Variants in PBRM1 observed in about 807,000 individuals in gnomAD.
The protein encoded by PBRM1 is protein polybromo-1.
In PBRM1, 27 loss-of-function variants were observed where a neutral mutation model predicts 194.5. The observed-to-expected ratio is 0.14, with a 90% CI of 0.10 to 0.19. PBRM1 has a LOEUF of 0.19. Among genes scored for constraint, PBRM1 ranks in the 10% least tolerant of loss-of-function variants. The probability of loss-of-function intolerance (pLI) is 1.00; values close to 1 mark genes in which losing one functional copy is unlikely to be tolerated. For missense variants in PBRM1, 1,466 were observed against 2,077.2 expected (o/e 0.71, Z 5.72); for synonymous variants, 655 against 693.2 (o/e 0.94, Z 0.87).
At chr3:52,624,105 G>A (rs2095367003) in intron 13 of PBRM1, among the ~76,000 whole-genome samples, 1 of 152,128 alleles carries the variant, frequency 6.6e-6, no homozygotes, top group African/African-American at 2.4e-5. Context: ...AAAGCTATCT[G>A]GGCAATCATG....
intron 15 of PBRM1, among the ~76,000 whole-genome samples, chr3:52,613,142 C>A (rs1292014966): frequency 1.3e-5 from 2 of 151,786 alleles, no homozygotes; most frequent in Non-Finnish European, 2.9e-5. Flanking sequence ...TTTGTTTTAT[C>A]CTCAAAGACA....
Position 52,644,767 on chromosome 3 carries a change from A to AT in PBRM1, c.835dup (p.Ile279AsnfsTer8), listed in dbSNP as rs771618422. On this transcript the variant is annotated frameshift_variant, in exon 8 of 30. Coordinates refer to ENST00000296302, the Ensembl canonical transcript of PBRM1. LOFTEE classifies it high-confidence loss of function. ...AATTTCAGCCTTTTTCATATAAAATATTTTTTTAATTGAATTTGCATCCTG... is the reference window on the plus strand; with the variant it reads ...AATTTCAGCCTTTTTCATATAAAATATTTTTTTTAATTGAATTTGCATCCTG... The AT allele has an allele frequency of 4.0e-6, 6 of 1,509,344 alleles. No individual in the cohort carries two copies. Among genetic ancestry groups the AT allele is most frequent in the Non-Finnish European group, 4.6e-6 (5 of 1,088,368 alleles). The allele number at this position is 1,509,344 out of a possible 1,614,324, so 93.5% of individuals were successfully genotyped here.
intron 6 of PBRM1, 73 bp downstream of exon 7, chr3:52,651,669 T>C (rs1255247041): frequency 1.3e-5 from 10 of 787,884 alleles, no homozygotes; most frequent in Non-Finnish European, 2.0e-5. Flanking sequence ...CTCTGTTTTC[T>C]AAAAGCTTCT....
At chr3:52,664,567 C>T (rs1354969633) in intron 3 of PBRM1, among the ~76,000 whole-genome samples, 1 of 151,704 alleles carries the variant, frequency 6.6e-6, no homozygotes, top group Non-Finnish European at 1.5e-5. Context: ...GAAACCCTGT[C>T]TCTACTAAAA....
intron 22 of PBRM1, among the ~76,000 whole-genome samples, chr3:52,565,913 G>C (rs1007906260): frequency 6.6e-6 from 1 of 152,080 alleles, no homozygotes; most frequent in Non-Finnish European, 1.5e-5. Context: ...AGCGGGGTGT[G>C]GTTGCAGGCG....
At chr3:52,676,670 G>A (rs955056238) in intron 2 of PBRM1, among the ~76,000 whole-genome samples, 1 of 152,170 alleles carries the variant, frequency 6.6e-6, no homozygotes, top group Non-Finnish European at 1.5e-5. Flanking sequence ...ATGTGGAAGC[G>A]ACTTTGGAAC....
chr3:52,672,757 G>A (rs1284842788), intron 2 of PBRM1, among the ~76,000 whole-genome samples: 1 of 152,004 alleles, frequency 6.6e-6, no homozygotes, highest in African/African-American at 2.4e-5. Context: ...GCCTCCCAAA[G>A]TGTTGGGATT....
At chr3:52,582,938 A>G (rs1450801500) in intron 20 of PBRM1, among the ~76,000 whole-genome samples, 1 of 151,094 alleles carries the variant, frequency 6.6e-6, no homozygotes, top group African/African-American at 2.4e-5. Context: ...TCTACTAAAA[A>G]TACAAAAAAT....
At chr3:52,561,893 G>C (rs1261731565) in exon 25 of PBRM1, 1 of 1,613,992 alleles carries the variant, frequency 6.2e-7, no homozygotes. Flanking sequence ...CTGCTGAACA[G>C]GATGTAGCCA....
At chr3:52,554,651 G>T in intron 27 of PBRM1, 73 bp downstream of exon 29, 1 of 1,365,204 alleles carries the variant, frequency 7.3e-7, no homozygotes, top group Admixed American at 2.8e-5. Context: ...GTGCCTCCTG[G>T]AACAACTGGT....
At chr3:52,564,273 G>A in intron 22 of PBRM1, 40 bp from the exon 25 acceptor site, 1 of 1,393,794 alleles carries the variant, frequency 7.2e-7, no homozygotes, top group South Asian at 1.2e-5. Context: ...GGAGTAAACT[G>A]TGGTCATAGT....
chr3:52,668,079 T>C (rs913463122), intron 3 of PBRM1, among the ~76,000 whole-genome samples: 1 of 152,206 alleles, frequency 6.6e-6, no homozygotes, highest in Non-Finnish European at 1.5e-5. Context: ...GCAGATTGCT[T>C]GAGCCCAGGA....
upstream of PBRM1, chr3:52,681,680 T>A: frequency 1.0e-6 from 1 of 1,003,196 alleles, no homozygotes. Flanking sequence ...AGGGTGTAGA[T>A]AATCAGTAAT....
intron 4 of PBRM1, among the ~76,000 whole-genome samples, chr3:52,659,124 A>C (rs911805247): frequency 6.6e-6 from 1 of 152,216 alleles, no homozygotes; most frequent in East Asian, 1.9e-4. Flanking sequence ...GCGATTAAGT[A>C]CATCAATGTA....
At chr3:52,674,406 G>A (rs2097033852) in intron 2 of PBRM1, among the ~76,000 whole-genome samples, 1 of 150,198 alleles carries the variant, frequency 6.7e-6, no homozygotes, top group African/African-American at 2.4e-5. Flanking sequence ...GCTTGAACCT[G>A]GGAAACGGAG....
intron 10 of PBRM1, among the ~76,000 whole-genome samples, chr3:52,640,123 C>A (rs1577313461): frequency 6.6e-6 from 1 of 152,048 alleles, no homozygotes; most frequent in Non-Finnish European, 1.5e-5. Flanking sequence ...TTAGGCAATC[C>A]TTTTTATCTG....
intron 5 of PBRM1, among the ~76,000 whole-genome samples, chr3:52,654,032 C>A (rs762514970): frequency 6.6e-6 from 1 of 152,154 alleles, no homozygotes; most frequent in Non-Finnish European, 1.5e-5. Flanking sequence ...TAGAATCACT[C>A]ACTGCACTCA....
intron 4 of PBRM1, among the ~76,000 whole-genome samples, chr3:52,660,308 TTA>T (rs1368272771): frequency 6.6e-6 from 1 of 152,188 alleles, no homozygotes; most frequent in Non-Finnish European, 1.5e-5. Context: ...TGTATTCATA[TTA>T]GAGAGTAAAA....
exon 20 of PBRM1, chr3:52,586,582 G>A (rs2092418946): frequency 1.2e-6 from 2 of 1,613,978 alleles, no homozygotes; most frequent in Non-Finnish European, 1.7e-6. Context: ...GATGGGCATG[G>A]TCCACAGTTT....
Sources: gnomAD v4.1 joint callset for allele counts (sites outside exome capture counted in the v4.1 genomes callset) on GRCh38, gnomAD v4.1.1 for gene constraint, MANE v1.5 for transcripts, NCBI Gene and HGNC (gene_info 2026-07-23, HGNC 2026-07-21) for gene names.